The following LALBA variants were observed in gnomAD, a reference collection of about 807,000 sequenced individuals.
LALBA encodes the protein lactalbumin alpha.
A neutral mutation model predicts 13.4 loss-of-function variants in LALBA; 12 were observed. The observed-to-expected ratio is 0.89, with a 90% CI of 0.57 to 1.45. The LOEUF (loss-of-function observed/expected upper bound fraction) is 1.45. LALBA is among the 40% of genes most tolerant of loss of function. The pLI, the probability that LALBA is intolerant of heterozygous loss-of-function variation, is 0.00. For synonymous variants in LALBA, 64 were observed against 61.0 expected (o/e 1.05, Z -0.23); for missense variants, 145 against 165.9 (o/e 0.87, Z 0.69).
intron 1 of LALBA, 75 bp from the exon 2 acceptor site, chr12:48,569,315 CA>C (rs1938604258): frequency 7.7e-7 from 1 of 1,293,954 alleles, no homozygotes; most frequent in East Asian, 2.5e-5. Context: ...AATTCTCAGA[CA>C]AAAATGCTTT....
upstream of LALBA, among the ~76,000 whole-genome samples, chr12:48,570,354 G>A (rs566833718): frequency 7.9e-5 from 12 of 152,242 alleles, no homozygotes; most frequent in Admixed American, 7.8e-4. Context: ...GGTTACTTGA[G>A]GAACAAAGAA....
In LALBA at chr12:48,567,704, T is replaced by G; in HGVS notation, c.*253A>C. The G allele has an allele frequency of 2.6e-6, 1 of 385,288 alleles. No individual in the cohort carries two copies. Among genetic ancestry groups the G allele is most frequent in the Non-Finnish European group, 4.8e-6 (1 of 210,526 alleles). The allele number at this position is 385,288 out of a possible 1,614,324, so 23.9% of individuals were successfully genotyped here. ...GCCAGTGACTTCAAAGTGGGACCTT[T>G]ATTCAAGACAGAGGTGAAATCTGTG... is the stretch of plus-strand genomic sequence containing the variant. On this transcript the variant is annotated 3_prime_UTR_variant, in exon 4 of 4. Transcript: ENST00000301046.
chr12:48,570,981 TAAAAAAAAAAA>T (rs35399476), upstream of LALBA, among the ~76,000 whole-genome samples: 2 of 116,270 alleles, frequency 1.7e-5, no homozygotes, highest in Non-Finnish European at 3.5e-5. Flanking sequence ...ACCCTATCTT[TAAAAAAAAAAA>T]AAAAAAAAAA....
chr12:48,569,976 A>C lies in LALBA; in HGVS notation c.45T>G (p.Pro15=). The change falls in exon 1 of 4, where the codon CCT becomes CCG. Residue 15 remains proline (P), a synonymous_variant. Coordinates refer to ENST00000301046, the MANE Select transcript of LALBA (RefSeq NM_002289.3). ...TTGTGAATTGCTTGGCCAGGATGGC[A>C]GGGAACAGGATGCCCACCAGGAACA... The part of the protein sequence containing the change: ...VPLFLVGILF[P]AILAKQFTKC... 1 of 1,614,082 alleles carries C rather than the reference A, an allele frequency of 6.2e-7. No individual in the cohort carries two copies. Among genetic ancestry groups the C allele is most frequent in the South Asian group, 1.1e-5 (1 of 91,072 alleles).
intron 3 of LALBA, 55 bp from the exon 4 acceptor site, chr12:48,568,072 T>G: frequency 2.9e-6 from 4 of 1,357,856 alleles, no homozygotes; most frequent in Non-Finnish European, 4.1e-6. Context: ...TTTACATTCA[T>G]TCCCAGGAGG....
intron 1 of LALBA, among the ~76,000 whole-genome samples, 170 bp downstream of exon 1, chr12:48,569,718 A>G (rs113190598): frequency 0.054 from 8,163 of 152,244 alleles, 686 homozygotes; most frequent in African/African-American, 0.18. Flanking sequence ...CACCTCAAAA[A>G]TAAATAAATA....
upstream of LALBA, among the ~76,000 whole-genome samples, chr12:48,571,569 G>C (rs138858004): frequency 6.6e-6 from 1 of 151,710 alleles, no homozygotes; most frequent in Non-Finnish European, 1.5e-5. Context: ...ATTTTTAGTA[G>C]AGACGGAGTT....
Position 48,569,917 on chromosome 12 carries a change from T to C in LALBA, c.104A>G (p.Asp35Gly), listed in dbSNP as rs1040503128. The stretch of plus-strand genomic sequence containing the variant: ...AGGCAAAGCGATGCCTCCATAACCA[T>C]CTATGTCTTTCAGCAGCTGGGACAG... The part of the protein sequence containing the change: ...CELSQLLKDI[D>G]GYGGIALPEL... The change falls in exon 1 of 4, where the codon GAT becomes GGT. Residue 35 changes from aspartate (D) to glycine (G), a missense_variant. Physicochemically the swap from Asp to Gly is moderately conservative, Grantham distance 94. Coordinates refer to ENST00000301046, the MANE Select transcript of LALBA (RefSeq NM_002289.3). 4.3e-6 allele frequency: 7 copies of C among 1,613,916 alleles called. No individual in the cohort carries two copies. Among genetic ancestry groups the C allele is most frequent in the Admixed American group, 1.7e-5 (1 of 60,000 alleles).
upstream of LALBA, among the ~76,000 whole-genome samples, chr12:48,570,875 G>A (rs1286576674): frequency 5.3e-5 from 8 of 151,560 alleles, no homozygotes; most frequent in Admixed American, 5.3e-4. Context: ...TACTTGAGGG[G>A]CTGAGGCAGG....
At position 48,567,951 on chromosome 12, in the gene LALBA, A is replaced by C. The variant is rs1565588139; in HGVS notation, c.*6T>G. On this transcript the variant is annotated 3_prime_UTR_variant, in exon 4 of 4. Coordinates refer to ENST00000301046, the MANE Select transcript of LALBA (RefSeq NM_002289.3). The stretch of plus-strand genomic sequence containing the variant: ...AGTGGGCAGGGGTGCCAAGGACAGC[A>C]GACACTCACAACTTCTCACAAAGCC... The C allele has an allele frequency of 1.2e-6, 2 of 1,604,136 alleles. No individual in the cohort carries two copies. Among genetic ancestry groups the C allele is most frequent in the Non-Finnish European group, 1.7e-6 (2 of 1,175,546 alleles).
chr12:48,568,915 G>T (rs2137133816), intron 2 of LALBA, among the ~76,000 whole-genome samples, 167 bp downstream of exon 2: 1 of 152,282 alleles, frequency 6.6e-6, no homozygotes, highest in South Asian at 2.1e-4. Context: ...TGATGACCAT[G>T]AAAAATCCAA....
chr12:48,570,076 A>T, upstream of LALBA: 1 of 1,600,898 alleles, frequency 6.2e-7, no homozygotes, highest in East Asian at 2.2e-5. Context: ...ATTTATTTAT[A>T]TTCATGCAGA....
At chr12:48,570,819 CA>C (rs1410334496), upstream of LALBA, among the ~76,000 whole-genome samples, 3 of 151,026 alleles carry the variant, frequency 2.0e-5, no homozygotes, top group East Asian at 1.9e-4. Flanking sequence ...CCCATCTCTA[CA>C]AAAAAAATTA....
intron 2 of LALBA, 152 bp from the exon 3 acceptor site, chr12:48,568,744 C>A (rs1938596585): frequency 1.7e-6 from 1 of 601,184 alleles, no homozygotes; most frequent in Non-Finnish European, 2.9e-6. Flanking sequence ...GTGGTAATGT[C>A]TAACCCTGGG....
At chr12:48,568,745 TAACCCTGGGTAGGG>T (rs1254706603) in intron 2 of LALBA, among the ~76,000 whole-genome samples, 153 bp from the exon 3 acceptor site, 2 of 152,194 alleles carry the variant, frequency 1.3e-5, no homozygotes, top group East Asian at 3.8e-4. Flanking sequence ...TGGTAATGTC[TAACCCTGGGTAGGG>T]ACTTCCTTCA....
intron 1 of LALBA, 142 bp downstream of exon 1, chr12:48,569,746 A>G: frequency 4.1e-6 from 3 of 737,812 alleles, no homozygotes; most frequent in South Asian, 1.9e-5. Flanking sequence ...ATATACATAC[A>G]TGAAATAAAA....
At chr12:48,570,337 T>C (rs1333577504), upstream of LALBA, among the ~76,000 whole-genome samples, 1 of 152,182 alleles carries the variant, frequency 6.6e-6, no homozygotes, top group Non-Finnish European at 1.5e-5. Context: ...TGGGAAGCAC[T>C]GTCTCTGGTT....
At chr12:48,569,711 C>T (rs1938609664) in intron 1 of LALBA, among the ~76,000 whole-genome samples, 177 bp downstream of exon 1, 1 of 151,986 alleles carries the variant, frequency 6.6e-6, no homozygotes, top group African/African-American at 2.4e-5. Context: ...GAAACTCCAC[C>T]TCAAAAATAA....
chr12:48,571,618 C>T (rs1023062537), upstream of LALBA, among the ~76,000 whole-genome samples: 9 of 152,034 alleles, frequency 5.9e-5, no homozygotes, highest in Non-Finnish European at 7.4e-5. Flanking sequence ...CTTCTGAGCT[C>T]AGGCAATTTG....
Sources: allele counts gnomAD v4.1 joint callset (sites outside exome capture counted in the v4.1 genomes callset), GRCh38; gene constraint gnomAD v4.1.1; transcripts MANE v1.5; gene names NCBI Gene and HGNC (gene_info 2026-07-23, HGNC 2026-07-21).